ZNF33B: variants seen among roughly 807,000 people sequenced by gnomAD.
ZNF33B encodes the protein zinc finger protein 11b (KOX 2).
Under a neutral mutation model 45.8 loss-of-function variants are expected in ZNF33B, and 29 were observed. That is an observed-to-expected ratio of 0.63 (90% CI 0.47 to 0.86). ZNF33B has a LOEUF of 0.86. ZNF33B is among the 40% of genes least tolerant of loss of function. The probability of loss-of-function intolerance (pLI) is 0.00; values close to 1 mark genes in which losing one functional copy is unlikely to be tolerated. For missense variants in ZNF33B, 831 were observed against 909.9 expected, an observed-to-expected ratio of 0.91 and a Z score of 1.12; for synonymous variants, 305 against 307.8, an observed-to-expected ratio of 0.99 and a Z score of 0.10.
chr10:42,577,005 C>T (rs1428332902), intron 1 of ZNF33B, among the ~76,000 whole-genome samples: 3 of 151,896 alleles, frequency 2.0e-5, no homozygotes, highest in African/African-American at 4.8e-5. Context: ...TGGTGGCAGG[C>T]GCCTGTAGTC....
rs1269495338 is a variant in ZNF33B at position 42,636,948 on chromosome 10, G to A, written c.-20C>T. 1 of 1,614,074 alleles carries A rather than the reference G, an allele frequency of 6.2e-7. No homozygotes were observed. Among genetic ancestry groups the A allele is most frequent in the Non-Finnish European group, 8.5e-7 (1 of 1,180,038 alleles). On this transcript the variant is annotated 5_prime_UTR_variant, in exon 2 of 5. Coordinates refer to ENST00000359467, the MANE Select transcript of ZNF33B (RefSeq NM_006955.3). Reference sequence around the variant, plus strand: ...GTTCATTTTGTTCTGTTCTTGGAAAGACGGAGACAACTCTGAAGATACAGC... The same window carrying A: ...GTTCATTTTGTTCTGTTCTTGGAAAAACGGAGACAACTCTGAAGATACAGC...
At chr10:42,584,505 G>A (rs1330867466), downstream of ZNF33B, among the ~76,000 whole-genome samples, 1 of 151,840 alleles carries the variant, frequency 6.6e-6, no homozygotes, top group Admixed American at 6.6e-5. Flanking sequence ...CCAAGCAAGG[G>A]GCCACCCCTT....
chr10:42,617,266 G>A (rs1838367808), intron 4 of ZNF33B, among the ~76,000 whole-genome samples: 1 of 151,202 alleles, frequency 6.6e-6, no homozygotes, highest in Non-Finnish European at 1.5e-5. Context: ...ACCACACCTG[G>A]CTAATGTCTT....
At chr10:42,606,858 T>C (rs113548707) in intron 4 of ZNF33B, among the ~76,000 whole-genome samples, 3,207 of 152,160 alleles carry the variant, frequency 0.021, 81 homozygotes, top group African/African-American at 0.063. Flanking sequence ...GTATCTCTTA[T>C]CTGAAATGCT....
At chr10:42,580,444 G>T (rs1226568812) in intron 1 of ZNF33B, among the ~76,000 whole-genome samples, 1 of 151,764 alleles carries the variant, frequency 6.6e-6, no homozygotes, top group Non-Finnish European at 1.5e-5. Context: ...TGCCATGTTG[G>T]CCAGGCTGGT....
intron 2 of ZNF33B, among the ~76,000 whole-genome samples, chr10:42,633,300 G>A (rs1221074652): frequency 6.6e-6 from 1 of 152,182 alleles, no homozygotes; most frequent in Non-Finnish European, 1.5e-5. Context: ...CAGTTGGATT[G>A]TTCTGGATAT....
chr10:42,605,050 C>G (rs1837781161), intron 4 of ZNF33B: 1 of 150,790 alleles, frequency 6.6e-6, no homozygotes, highest in Non-Finnish European at 1.5e-5. Context: ...ATGAAGAAAC[C>G]CTCAAAAAAT....
chr10:42,601,468 G>GTTT lies in ZNF33B; in HGVS notation c.251-6772_251-6770dup, dbSNP rs57196690. On this transcript the variant is annotated intron_variant, in intron 4 of 4. Transcript: ENST00000359467. ...GTTCTCCTAAAGCTCACATGGGCTT[G>GTTT]TTTTTTTTTTTTTTTTTTTTTTTTT... 7.7e-3 allele frequency among the ~76,000 whole-genome samples: 610 copies of GTTT among 79,426 alleles called. 14 individuals are homozygous for GTTT. The highest frequency in any genetic ancestry group is 0.023 in the Middle Eastern group (2 of 88). The allele number at this position is 79,426 out of a possible 152,430, so 52.1% of individuals were successfully genotyped here. A position where few individuals can be genotyped will look rare whatever the true frequency, so the allele number is the denominator to read the frequency against.
At position 42,592,076 on chromosome 10, in the gene ZNF33B, G is replaced by T. The variant is rs988141901; in HGVS notation, c.*537C>A. The T allele has an allele frequency of 1.3e-5, 2 of 153,874 alleles. No individual in the cohort carries two copies. Among genetic ancestry groups the T allele is most frequent in the African/African-American group, 4.8e-5 (2 of 41,424 alleles). The allele number at this position is 153,874 out of a possible 1,614,324, so 9.5% of individuals were successfully genotyped here. On this transcript the variant is annotated 3_prime_UTR_variant, in exon 5 of 5. Transcript: ENST00000359467. The stretch of plus-strand genomic sequence containing the variant: ...TATATATTATCCTTAGAGGAAGCTT[G>T]GTGAAGGGTACACGGGAATTCTCTG...
chr10:42,634,350 T>C (rs1171713111), intron 2 of ZNF33B, among the ~76,000 whole-genome samples: 7 of 151,806 alleles, frequency 4.6e-5, no homozygotes, highest in Non-Finnish European at 1.0e-4. Flanking sequence ...GAGGTTGCAG[T>C]GAGCTAAGAT....
Position 42,591,802 on chromosome 10 carries a change from GA to G in ZNF33B, c.*810del, listed in dbSNP as rs1220431821. ...GGGTGTGGTTATTAATACAACAAGG[GA>G]ACTACTTGAGGCTAAATCCTGATTC... On this transcript the variant is annotated 3_prime_UTR_variant, in exon 5 of 5. Coordinates refer to ENST00000359467, the MANE Select transcript of ZNF33B (RefSeq NM_006955.3). 6.4e-6 allele frequency: 1 copy of G among 156,174 alleles called. No individual in the cohort carries two copies. Among genetic ancestry groups the G allele is most frequent in the East Asian group, 1.9e-4 (1 of 5,212 alleles). 9.7% of individuals were successfully genotyped at this position (156,174 alleles called of 1,614,324 possible). A position where few individuals can be genotyped will look rare whatever the true frequency, so the allele number is the denominator to read the frequency against.
At chr10:42,585,754 C>T (rs1393161631), downstream of ZNF33B, among the ~76,000 whole-genome samples, 1 of 152,152 alleles carries the variant, frequency 6.6e-6, no homozygotes, top group Non-Finnish European at 1.5e-5. Context: ...TACCTTGCTG[C>T]CCTTTTTGTT....
At chr10:42,628,283 T>C (rs1452580620) in intron 4 of ZNF33B, among the ~76,000 whole-genome samples, 2 of 152,308 alleles carry the variant, frequency 1.3e-5, no homozygotes, top group Non-Finnish European at 2.9e-5. Flanking sequence ...CTCAAAGTGC[T>C]GGAATTACAG....
intron 2 of ZNF33B, among the ~76,000 whole-genome samples, chr10:42,634,230 C>G (rs1839186302): frequency 6.6e-6 from 1 of 151,546 alleles, no homozygotes; most frequent in African/African-American, 2.4e-5. Flanking sequence ...CATGGAGAAG[C>G]CCTGTCTCTA....
chr10:42,629,232 T>C (rs1322789473), intron 4 of ZNF33B, among the ~76,000 whole-genome samples: 1 of 151,776 alleles, frequency 6.6e-6, no homozygotes. Flanking sequence ...AGGTAAAAAT[T>C]AAAACAACTG....
In ZNF33B at chr10:42,605,547, C is replaced by CA. The variant is rs548000921; in HGVS notation, c.251-10849dup. ...CTCAAATTAAAAAACAAATAGAAAC[C>CA]AAAAAAACTTGAGAATCCATTGCTA... On this transcript the variant is annotated intron_variant, in intron 4 of 4. Transcript: ENST00000359467. Among the ~76,000 whole-genome samples, 25 of 151,752 alleles carry CA rather than the reference C, an allele frequency of 1.6e-4. 1 individual carries two copies. In the East Asian group the frequency reaches 4.8e-3, roughly 29 times the overall value.
chr10:42,585,156 C>T (rs1051441349), downstream of ZNF33B, among the ~76,000 whole-genome samples: 1 of 152,194 alleles, frequency 6.6e-6, no homozygotes, highest in African/African-American at 2.4e-5. Context: ...GCCTTGTGGA[C>T]ACCACTTTAG....
In ZNF33B at chr10:42,593,222, C is replaced by T. The variant is rs140658159; in HGVS notation, c.1728G>A (p.Thr576=). Reference sequence around the variant, plus strand: ...CATGACATTCATAGGGTTTCTCCCCCGTGTGTGTTCTATAATGTTGAGAGA... The same window carrying T: ...CATGACATTCATAGGGTTTCTCCCCTGTGTGTGTTCTATAATGTTGAGAGA... ...STLSQHYRTH[T]GEKPYECHEC... The change falls in exon 5 of 5, where the codon ACG becomes ACA. Residue 576 remains threonine (T), a synonymous_variant. Transcript: ENST00000359467. The T allele has an allele frequency of 1.9e-3, 3,084 of 1,613,342 alleles. 76 individuals are homozygous for T. In the Admixed American group the frequency reaches 0.046, roughly 24 times the overall value.
chr10:42,583,310 C>T (rs1589011006), intron 1 of ZNF33B: 7 of 441,780 alleles, frequency 1.6e-5, no homozygotes, highest in Admixed American at 9.7e-5. Context: ...TCAGAGGAAC[C>T]GATTCCCTGG....
Sources: gnomAD v4.1 joint callset for allele counts (sites outside exome capture counted in the v4.1 genomes callset) on GRCh38, gnomAD v4.1.1 for gene constraint, MANE v1.5 for transcripts, NCBI Gene and HGNC (gene_info 2026-07-23, HGNC 2026-07-21) for gene names.